Variants in FSTL5 observed in about 807,000 individuals in gnomAD.
FSTL5 encodes the protein follistatin like 5.
In FSTL5, 62 loss-of-function variants were observed where a neutral mutation model predicts 89.1. That is an observed-to-expected ratio of 0.70 (90% CI 0.57 to 0.86). The LOEUF (loss-of-function observed/expected upper bound fraction) is 0.86. FSTL5 is among the 40% of genes least tolerant of loss of function. The pLI is 0.00. For missense variants in FSTL5, 1,057 were observed against 1,001.6 expected (o/e 1.06, Z -0.75); for synonymous variants, 383 against 346.2 (o/e 1.11, Z -1.18).
Position 161,386,229 on chromosome 4 carries a change from C to T in FSTL5, c.2062G>A (p.Gly688Arg), listed in dbSNP as rs777907050. ...MVDGVTDSVI[G>R]FNSDVTGTPY... Reference sequence around the variant, plus strand: ...GTGCCCGTCACATCACTATTGAACCCAATGACTGAGTCAGTTACACCGTCC... The same window carrying T: ...GTGCCCGTCACATCACTATTGAACCTAATGACTGAGTCAGTTACACCGTCC... The change falls in exon 16 of 16, where the codon GGG (glycine) becomes AGG (arginine). Residue 688 changes from glycine to arginine, a missense_variant. This residue lies in a region of FSTL5 where 980 missense variants were observed against 903.2 expected (regional missense o/e 1.08). Coordinates refer to ENST00000306100, the MANE Select transcript of FSTL5 (RefSeq NM_020116.5). 6.1e-5 allele frequency: 98 copies of T among 1,613,858 alleles called. No individual in the cohort carries two copies. Among genetic ancestry groups the T allele is most frequent in the Non-Finnish European group, 8.1e-5 (95 of 1,179,970 alleles).
chr4:162,064,271 G>C (rs1738816557), intron 2 of FSTL5, among the ~76,000 whole-genome samples: 2 of 151,954 alleles, frequency 1.3e-5, no homozygotes, highest in African/African-American at 4.8e-5. Flanking sequence ...TTTGCTAACT[G>C]CATCTGTGGC....
intron 4 of FSTL5, among the ~76,000 whole-genome samples, chr4:161,843,971 T>C (rs1380701640): frequency 6.6e-6 from 1 of 152,132 alleles, no homozygotes; most frequent in Admixed American, 6.6e-5. Flanking sequence ...AAAGAGCTTC[T>C]GCACAGCAAA....
chr4:161,729,753 C>T (rs975998811), intron 6 of FSTL5, among the ~76,000 whole-genome samples: 3 of 152,054 alleles, frequency 2.0e-5, no homozygotes, highest in Non-Finnish European at 2.9e-5. Context: ...CAGGTGTTTA[C>T]GAAGAAGGTG....
At position 161,960,806 on chromosome 4, in the gene FSTL5, G is replaced by A. The variant is rs188839703; in HGVS notation, c.161-40154C>T. Among the ~76,000 whole-genome samples the A allele has an allele frequency of 8.2e-4, 125 of 151,820 alleles. 1 individual carries two copies. Among genetic ancestry groups the A allele is most frequent in the African/African-American group, 2.8e-3 (118 of 41,432 alleles). ...TAAAATAGTAAGGAGACCCAAAGAA[G>A]ACACTTTAAAATAATAATTACCTCA... On this transcript the variant is annotated intron_variant, in intron 3 of 15. Coordinates refer to ENST00000306100, the MANE Select transcript of FSTL5 (RefSeq NM_020116.5).
chr4:161,976,520 C>T (rs773175154), intron 3 of FSTL5, among the ~76,000 whole-genome samples: 9 of 152,000 alleles, frequency 5.9e-5, no homozygotes, highest in Admixed American at 3.3e-4. Flanking sequence ...CTTGCTCTGT[C>T]GCCCAGGCTG....
chr4:161,693,701 C>T (rs2314107), intron 6 of FSTL5, among the ~76,000 whole-genome samples: 51,090 of 144,792 alleles, frequency 0.35, 11,091 homozygotes, highest in East Asian at 0.66. Context: ...TGCAGTGGCG[C>T]GATCTCAGCT....
intron 4 of FSTL5, among the ~76,000 whole-genome samples, chr4:161,913,445 T>C (rs979027963): frequency 2.6e-5 from 4 of 152,014 alleles, no homozygotes; most frequent in African/African-American, 9.7e-5. Flanking sequence ...CTTCAGAGGG[T>C]AGAAGCCCCA....
At chr4:161,462,414 C>A (rs1733613191) in intron 13 of FSTL5, among the ~76,000 whole-genome samples, 1 of 152,128 alleles carries the variant, frequency 6.6e-6, no homozygotes. Context: ...TCTCTGCAAG[C>A]AATAAAATCC....
At position 161,409,601 on chromosome 4, in the gene FSTL5, C is replaced by T. The variant is rs1463715886; in HGVS notation, c.1842-23152G>A. 8.6e-5 allele frequency among the ~76,000 whole-genome samples: 13 copies of T among 152,038 alleles called. No homozygotes were observed. The East Asian group carries it at 1.7e-3, about 20-fold the overall frequency. ...TTCACCACGTTGGCCAGGCAGGTCT[C>T]GAACTCATCACCTCGTGATCCACCT... is the stretch of plus-strand genomic sequence containing the variant. On this transcript the variant is annotated intron_variant, in intron 15 of 15. Transcript: ENST00000306100.
intron 15 of FSTL5, among the ~76,000 whole-genome samples, chr4:161,400,585 ATTCC>A (rs1731150995): frequency 6.6e-6 from 1 of 152,090 alleles, no homozygotes; most frequent in Non-Finnish European, 1.5e-5. Context: ...AAATAAAAAG[ATTCC>A]TTACAGTATA....
At chr4:161,905,544 T>A (rs1404412765) in intron 4 of FSTL5, among the ~76,000 whole-genome samples, 3 of 151,926 alleles carry the variant, frequency 2.0e-5, no homozygotes, top group African/African-American at 7.2e-5. Context: ...GAAAAAAAAT[T>A]CAAGAAACAA....
At chr4:161,715,130 G>A (rs1052849888) in intron 6 of FSTL5, among the ~76,000 whole-genome samples, 1 of 152,092 alleles carries the variant, frequency 6.6e-6, no homozygotes, top group Non-Finnish European at 1.5e-5. Context: ...GAGGAGGGTG[G>A]TGAGGGAAAA....
At chr4:161,424,997 C>T (rs1024276679) in intron 15 of FSTL5, among the ~76,000 whole-genome samples, 9 of 152,200 alleles carry the variant, frequency 5.9e-5, no homozygotes, top group Non-Finnish European at 1.3e-4. Flanking sequence ...ACTGTTTTGC[C>T]ATTGCCCAGT....
intron 3 of FSTL5, among the ~76,000 whole-genome samples, chr4:161,933,106 T>C (rs1019222908): frequency 6.6e-6 from 1 of 152,160 alleles, no homozygotes; most frequent in Non-Finnish European, 1.5e-5. Context: ...CCATTTTACA[T>C]TGTTGGCCGA....
At chr4:162,122,682 T>G (rs2111436660) in intron 1 of FSTL5, among the ~76,000 whole-genome samples, 1 of 152,246 alleles carries the variant, frequency 6.6e-6, no homozygotes, top group Middle Eastern at 3.4e-3. Flanking sequence ...ATTCTATTAC[T>G]TCTCAAAGTA....
chr4:161,475,291 T>TATTTTGGA, intron 13 of FSTL5, among the ~76,000 whole-genome samples: 1 of 152,180 alleles, frequency 6.6e-6, no homozygotes, highest in Non-Finnish European at 1.5e-5. Context: ...TTCTTATTTT[T>TATTTTGGA]CTTCAAATTT....
At chr4:161,861,017 T>C (rs1731894210) in intron 4 of FSTL5, among the ~76,000 whole-genome samples, 1 of 152,168 alleles carries the variant, frequency 6.6e-6, no homozygotes. Context: ...CAAGAAAACA[T>C]GTTAAAACAT....
intron 6 of FSTL5, among the ~76,000 whole-genome samples, chr4:161,659,015 A>C (rs1324630757): frequency 6.6e-6 from 1 of 152,172 alleles, no homozygotes; most frequent in African/African-American, 2.4e-5. Context: ...TATATATTAC[A>C]ATGGTAATTA....
intron 15 of FSTL5, among the ~76,000 whole-genome samples, chr4:161,443,682 C>G (rs910329615): frequency 3.9e-5 from 6 of 152,038 alleles, no homozygotes; most frequent in Middle Eastern, 3.4e-3. Context: ...GAGAGCGGTG[C>G]TGTCTTAAAC....
Sources: gnomAD v4.1 joint callset for allele counts (sites outside exome capture counted in the v4.1 genomes callset) on GRCh38, gnomAD v4.1.1 for gene constraint, gnomAD v4.1.1 regional missense constraint, MANE v1.5 for transcripts, NCBI Gene and HGNC (gene_info 2026-07-23, HGNC 2026-07-21) for gene names.